The following PAPPA variants were observed in gnomAD, a reference collection of about 807,000 sequenced individuals.
The protein encoded by PAPPA is pappalysin-1.
Under a neutral mutation model 164.0 loss-of-function variants are expected in PAPPA, and 60 were observed. The observed-to-expected ratio is 0.37, with a 90% CI of 0.30 to 0.45. The LOEUF (loss-of-function observed/expected upper bound fraction) is 0.45. Among genes scored for constraint, PAPPA ranks in the 20% least tolerant of loss-of-function variants. The pLI is 1.00. For synonymous variants in PAPPA, 875 were observed against 814.1 expected (o/e 1.07, Z -1.27); for missense variants, 1,782 against 2,087.3 (o/e 0.85, Z 2.85).
At chr9:116,295,581 G>C (rs954404404) in intron 9 of PAPPA, among the ~76,000 whole-genome samples, 7 of 146,150 alleles carry the variant, frequency 4.8e-5, no homozygotes, top group Non-Finnish European at 1.1e-4. Context: ...GAAAAGAAAA[G>C]AAAAATTTCA....
At chr9:116,242,715 T>C (rs1043778514) in intron 7 of PAPPA, among the ~76,000 whole-genome samples, 5 of 152,204 alleles carry the variant, frequency 3.3e-5, no homozygotes, top group Admixed American at 6.5e-5. Context: ...TGATAAGCTA[T>C]GGGCCTTTTT....
In PAPPA at chr9:116,367,712, C is replaced by T. The variant is rs377671735; in HGVS notation, c.4563C>T (p.Thr1521=). 38 of 1,613,844 alleles carry T rather than the reference C, an allele frequency of 2.4e-5. 1 individual carries two copies. The highest frequency in any genetic ancestry group is 1.0e-4 in the Admixed American group (6 of 59,990). ...CCATCATCCTGCCAATGAACGTGACCGTGCGTGACATCCCCCACTGGCTGA... is the reference window on the plus strand; with the variant it reads ...CCATCATCCTGCCAATGAACGTGACTGTGCGTGACATCCCCCACTGGCTGA... ...SESIILPMNV[T]VRDIPHWLNP... The change falls in exon 19 of 22, where the codon ACC becomes ACT. Residue 1521 remains threonine (T), a synonymous_variant. Coordinates refer to ENST00000328252, the MANE Select transcript of PAPPA (RefSeq NM_002581.5).
rs551689046 is a variant in PAPPA, at chr9:116,160,601, A to G, written c.415+6014A>G. The stretch of plus-strand genomic sequence containing the variant: ...TGAGGAGAAGAGAAAATCTCCAGGT[A>G]CTAGAGGACTCCCTCTATGGGCAAC... On this transcript the variant is annotated intron_variant, in intron 1 of 21. Transcript: ENST00000328252. 3.0e-4 allele frequency among the ~76,000 whole-genome samples: 45 copies of G among 152,328 alleles called. 2 individuals carry two copies. The South Asian group carries it at 8.9e-3, about 30-fold the overall frequency.
intron 5 of PAPPA, 142 bp downstream of exon 5, chr9:116,220,271 T>C: frequency 3.8e-6 from 2 of 532,312 alleles, no homozygotes; most frequent in Non-Finnish European, 6.5e-6. Context: ...CCTAGCATGT[T>C]GTAAATTTGG....
At chr9:116,228,842 T>C (rs1844549907) in intron 6 of PAPPA, among the ~76,000 whole-genome samples, 1 of 152,090 alleles carries the variant, frequency 6.6e-6, no homozygotes, top group Admixed American at 6.5e-5. Flanking sequence ...GTTCTCGAAA[T>C]CTGCAATTGT....
intron 3 of PAPPA, among the ~76,000 whole-genome samples, chr9:116,210,285 A>C (rs1844290665): frequency 1.3e-5 from 2 of 152,174 alleles, no homozygotes; most frequent in Admixed American, 6.5e-5. Flanking sequence ...CTCTGAAATT[A>C]AGTCCTCCAG....
intron 2 of PAPPA, among the ~76,000 whole-genome samples, chr9:116,202,150 A>G (rs1475149194): frequency 6.6e-6 from 1 of 152,168 alleles, no homozygotes; most frequent in East Asian, 1.9e-4. Context: ...TTATGCTTCT[A>G]CAGGTGAAAA....
chr9:116,246,281 G>A (rs1025762291), intron 7 of PAPPA, among the ~76,000 whole-genome samples: 9 of 152,122 alleles, frequency 5.9e-5, no homozygotes, highest in African/African-American at 2.2e-4. Context: ...GATAAACTAT[G>A]TAACGGGCCC....
At chr9:116,296,666 C>A (rs1587992218) in intron 9 of PAPPA, among the ~76,000 whole-genome samples, 1 of 152,046 alleles carries the variant, frequency 6.6e-6, no homozygotes, top group African/African-American at 2.4e-5. Flanking sequence ...CTAGATGAAC[C>A]TTGAAGAACC....
At chr9:116,211,492 T>C in intron 3 of PAPPA, 147 bp from the exon 4 acceptor site, 1 of 646,014 alleles carries the variant, frequency 1.5e-6, no homozygotes, top group Non-Finnish European at 2.7e-6. Flanking sequence ...CCATAGGTTG[T>C]AACAGCTCTC....
At chr9:116,202,455 G>C (rs542750097) in intron 2 of PAPPA, among the ~76,000 whole-genome samples, 1 of 152,174 alleles carries the variant, frequency 6.6e-6, no homozygotes, top group Admixed American at 6.5e-5. Context: ...TTGAAATGCA[G>C]TTCTGGCAAA....
At chr9:116,169,185 A>C (rs1399092665) in intron 1 of PAPPA, among the ~76,000 whole-genome samples, 3 of 151,962 alleles carry the variant, frequency 2.0e-5, no homozygotes, top group Middle Eastern at 3.4e-3. Flanking sequence ...TACCTATTGA[A>C]ATGTATATGC....
At chr9:116,308,657 G>C (rs1349590211) in intron 10 of PAPPA, among the ~76,000 whole-genome samples, 1 of 152,196 alleles carries the variant, frequency 6.6e-6, no homozygotes, top group Non-Finnish European at 1.5e-5. Context: ...AAGAGCTAGT[G>C]TCTTTTGCAT....
At chr9:116,383,532 G>T (rs1281359180) in intron 21 of PAPPA, among the ~76,000 whole-genome samples, 1 of 126,880 alleles carries the variant, frequency 7.9e-6, no homozygotes, top group African/African-American at 2.8e-5. Flanking sequence ...CAAAGTGAAT[G>T]ATAGAAAGAG....
chr9:116,199,662 C>T (rs1464997364), intron 2 of PAPPA, among the ~76,000 whole-genome samples: 1 of 152,096 alleles, frequency 6.6e-6, no homozygotes, highest in African/African-American at 2.4e-5. Context: ...TATACAAGAC[C>T]CTTCCTGATT....
chr9:116,387,036 A>G (rs1846823671), intron 21 of PAPPA, among the ~76,000 whole-genome samples: 1 of 152,038 alleles, frequency 6.6e-6, no homozygotes, highest in South Asian at 2.1e-4. Context: ...CCAGTCCCAT[A>G]TCAAGAGACA....
chr9:116,376,090 A>G (rs1846647164), intron 19 of PAPPA, among the ~76,000 whole-genome samples: 1 of 145,648 alleles, frequency 6.9e-6, no homozygotes, highest in Admixed American at 7.1e-5. Flanking sequence ...GTATGATGTC[A>G]GCTCACTGCA....
At chr9:116,384,591 ATTTCT>A (rs914954233) in intron 21 of PAPPA, among the ~76,000 whole-genome samples, 11 of 152,012 alleles carry the variant, frequency 7.2e-5, no homozygotes, top group African/African-American at 2.7e-4. Flanking sequence ...CTTTTGGATT[ATTTCT>A]TTTTTCTTAT....
intron 4 of PAPPA, among the ~76,000 whole-genome samples, chr9:116,213,732 CCTCAG>C (rs1268180554): frequency 6.6e-6 from 1 of 151,926 alleles, no homozygotes; most frequent in Non-Finnish European, 1.5e-5. Context: ...TAAAGGAACC[CCTCAG>C]CTCAGTGACC....
Sources: gnomAD v4.1 joint callset for allele counts (sites outside exome capture counted in the v4.1 genomes callset) on GRCh38, gnomAD v4.1.1 for gene constraint, MANE v1.5 for transcripts, NCBI Gene and HGNC (gene_info 2026-07-23, HGNC 2026-07-21) for gene names.